Variants in SCAPER observed in about 807,000 individuals in gnomAD.
The protein encoded by SCAPER is S-phase cyclin A associated protein in the ER.
A neutral mutation model predicts 182.2 loss-of-function variants in SCAPER; 98 were observed. The observed-to-expected ratio is 0.54, with a 90% CI of 0.46 to 0.64. The LOEUF (loss-of-function observed/expected upper bound fraction) is 0.64, where lower values mean the gene tolerates loss of function less well. SCAPER is among the 30% of genes least tolerant of loss of function. The pLI, the probability that SCAPER is intolerant of heterozygous loss-of-function variation, is 0.00. For missense variants in SCAPER, 1,432 were observed against 1,690.0 expected, an observed-to-expected ratio of 0.85 and a Z score of 2.68; for synonymous variants, 605 against 564.6, an observed-to-expected ratio of 1.07 and a Z score of -1.01.
intron 10 of SCAPER, 105 bp downstream of exon 10, chr15:76,771,637 G>T: frequency 1.3e-6 from 1 of 754,318 alleles, no homozygotes; most frequent in Non-Finnish European, 2.1e-6. Context: ...ATATAAAAAT[G>T]CTTTAAAAAG....
chr15:76,447,063 G>C (rs938360500), intron 25 of SCAPER, among the ~76,000 whole-genome samples: 1 of 152,176 alleles, frequency 6.6e-6, no homozygotes, highest in African/African-American at 2.4e-5. Context: ...ATGTTTGTTA[G>C]GTCTGGTGTA....
intron 28 of SCAPER, among the ~76,000 whole-genome samples, chr15:76,377,110 A>G (rs1234173418): frequency 2.0e-5 from 3 of 152,226 alleles, no homozygotes; most frequent in Non-Finnish European, 2.9e-5. Flanking sequence ...CCTGTGGGAA[A>G]AGGCAGAGTT....
At chr15:76,880,729 A>C (rs58889902) in intron 2 of SCAPER, among the ~76,000 whole-genome samples, 58,019 of 151,756 alleles carry the variant, frequency 0.38, 13,116 homozygotes, top group Middle Eastern at 0.53. Flanking sequence ...AAGAAAAAAA[A>C]AAAACTCCCA....
chr15:76,666,186 G>A (rs1052849173), intron 20 of SCAPER, among the ~76,000 whole-genome samples: 1 of 152,168 alleles, frequency 6.6e-6, no homozygotes, highest in Non-Finnish European at 1.5e-5. Context: ...GGAAGAGGGG[G>A]AAACTTCAGC....
chr15:76,505,935 T>C (rs1295666947), intron 23 of SCAPER, among the ~76,000 whole-genome samples: 1 of 152,202 alleles, frequency 6.6e-6, no homozygotes, highest in Non-Finnish European at 1.5e-5. Context: ...GAGATCCTGT[T>C]ATTTGCAACA....
intron 17 of SCAPER, among the ~76,000 whole-genome samples, chr15:76,721,296 G>T (rs1421936062): frequency 6.6e-6 from 1 of 151,998 alleles, no homozygotes; most frequent in African/African-American, 2.4e-5. Context: ...ACTCTGTTTT[G>T]GTACCAGTAC....
chr15:76,505,712 G>A (rs1170653668), intron 23 of SCAPER, among the ~76,000 whole-genome samples: 1 of 152,106 alleles, frequency 6.6e-6, no homozygotes, highest in Non-Finnish European at 1.5e-5. Flanking sequence ...AAACAGAGCT[G>A]CCATATGACC....
rs1437248055 is a variant in SCAPER at position 76,705,324 on chromosome 15, C to T, written c.2247+579G>A. ...CAAAAAACCAAACACCGCATGTTCT[C>T]ACTCATAGATGGGAATTGAACAATG... On this transcript the variant is annotated intron_variant, in intron 18 of 31. Coordinates refer to ENST00000563290, the MANE Select transcript of SCAPER (RefSeq NM_020843.4). Among the ~76,000 whole-genome samples the T allele has an allele frequency of 2.8e-5, 4 of 143,302 alleles. No individual in the cohort carries two copies. In the Admixed American group the frequency reaches 3.1e-4, roughly 11 times the overall value. 94.0% of individuals were successfully genotyped at this position (143,302 alleles called of 152,430 possible). A position where few individuals can be genotyped will look rare whatever the true frequency, so the allele number is the denominator to read the frequency against.
chr15:76,862,201 C>T (rs191470074), intron 3 of SCAPER, among the ~76,000 whole-genome samples: 2 of 152,210 alleles, frequency 1.3e-5, no homozygotes, highest in Non-Finnish European at 2.9e-5. Flanking sequence ...ACAATAAACC[C>T]AATTTCAAAT....
At chr15:76,484,141 G>A (rs1176964290) in intron 24 of SCAPER, among the ~76,000 whole-genome samples, 6 of 152,080 alleles carry the variant, frequency 3.9e-5, no homozygotes, top group African/African-American at 1.2e-4. Context: ...TTCATACAAT[G>A]GATTATTATT....
chr15:76,728,538 C>T (rs989995744), intron 17 of SCAPER, 57 bp downstream of exon 17: 30 of 1,606,588 alleles, frequency 1.9e-5, no homozygotes, highest in Non-Finnish European at 2.5e-5. Context: ...GGCTTTAAGA[C>T]CTCAACTTGA....
intron 21 of SCAPER, among the ~76,000 whole-genome samples, chr15:76,655,318 G>C (rs554162212): frequency 6.6e-6 from 1 of 152,090 alleles, no homozygotes; most frequent in Non-Finnish European, 1.5e-5. Context: ...ATGAAGACTA[G>C]TTTTCCAAAT....
At position 76,765,559 on chromosome 15, in the gene SCAPER, A is replaced by G; in HGVS notation, c.1495+4T>C. The G allele has an allele frequency of 6.3e-7, 1 of 1,599,190 alleles. No individual in the cohort carries two copies. Among genetic ancestry groups the G allele is most frequent in the Non-Finnish European group, 8.5e-7 (1 of 1,171,798 alleles). ...TACACACCCAATATGCATATACACA[A>G]TACCTTCATAATCTGCAAGGACATC... On this transcript the variant is annotated splice_donor_region_variant and intron_variant, in intron 12 of 31. Transcript: ENST00000563290.
chr15:76,700,800 T>C (rs971483989), intron 20 of SCAPER, among the ~76,000 whole-genome samples: 1 of 152,052 alleles, frequency 6.6e-6, no homozygotes, highest in Non-Finnish European at 1.5e-5. Flanking sequence ...ACATAAACAA[T>C]AGGGATCACT....
intron 22 of SCAPER, among the ~76,000 whole-genome samples, chr15:76,608,529 T>C (rs2050673932): frequency 6.6e-6 from 1 of 152,146 alleles, no homozygotes; most frequent in African/African-American, 2.4e-5. Flanking sequence ...GGAGAACCAC[T>C]ACTCTCTTTA....
At chr15:76,883,789 C>A in intron 2 of SCAPER, 23 bp downstream of exon 2, 1 of 1,497,880 alleles carries the variant, frequency 6.7e-7, no homozygotes, top group South Asian at 1.3e-5. Context: ...AAAACTAAGG[C>A]TAGTCTTTAA....
At chr15:76,635,285 C>T (rs188038856) in intron 21 of SCAPER, among the ~76,000 whole-genome samples, 3 of 152,232 alleles carry the variant, frequency 2.0e-5, no homozygotes, top group East Asian at 1.9e-4. Context: ...TCTACATTCA[C>T]TCATACTGGT....
chr15:76,714,820 G>A (rs948840516), intron 17 of SCAPER, among the ~76,000 whole-genome samples: 3 of 151,958 alleles, frequency 2.0e-5, no homozygotes, highest in Admixed American at 1.3e-4. Context: ...GGTAAATTGC[G>A]AAAATACATC....
chr15:76,753,056 T>C (rs1473321634), intron 15 of SCAPER, among the ~76,000 whole-genome samples: 3 of 151,742 alleles, frequency 2.0e-5, no homozygotes. Context: ...TGGAAAACCA[T>C]GTGTAAAACT....
Sources: gnomAD v4.1 joint callset for allele counts (sites outside exome capture counted in the v4.1 genomes callset) on GRCh38, gnomAD v4.1.1 for gene constraint, MANE v1.5 for transcripts, NCBI Gene and HGNC (gene_info 2026-07-23, HGNC 2026-07-21) for gene names.